MINDY3: variants seen among roughly 807,000 people sequenced by gnomAD.
The protein encoded by MINDY3 is MINDY lysine 48 deubiquitinase 3, also known as ubiquitin carboxyl-terminal hydrolase MINDY-3.
In MINDY3, 38 loss-of-function variants were observed where a neutral mutation model predicts 69.2. The observed-to-expected ratio is 0.55, with a 90% CI of 0.42 to 0.72. The LOEUF is 0.72. Ranked by LOEUF, MINDY3 falls within the 30% of genes least tolerant of loss-of-function variation. The pLI is 0.00. For synonymous variants in MINDY3, 192 were observed against 180.1 expected (o/e 1.07, Z -0.53); for missense variants, 522 against 519.0 (o/e 1.01, Z -0.06).
chr10:15,831,646 CA>C (rs932737526), intron 8 of MINDY3, among the ~76,000 whole-genome samples: 72 of 150,188 alleles, frequency 4.8e-4, no homozygotes, highest in African/African-American at 1.7e-3. Flanking sequence ...GACTTCACGT[CA>C]AGAGCTGCCT....
At chr10:15,842,191 C>T (rs1833516269) in intron 3 of MINDY3, among the ~76,000 whole-genome samples, 1 of 151,774 alleles carries the variant, frequency 6.6e-6, no homozygotes, top group Non-Finnish European at 1.5e-5. Context: ...ACCTTAGCCA[C>T]ACTCTTTTCA....
chr10:15,783,282 T>C (rs1836695721), intron 13 of MINDY3, among the ~76,000 whole-genome samples: 2 of 152,198 alleles, frequency 1.3e-5, no homozygotes, highest in South Asian at 4.1e-4. Context: ...CCCTCACTTA[T>C]GCCAATTTAG....
intron 4 of MINDY3, among the ~76,000 whole-genome samples, chr10:15,839,351 G>A (rs1833305204): frequency 1.3e-5 from 2 of 151,496 alleles, no homozygotes; most frequent in Non-Finnish European, 3.0e-5. Flanking sequence ...TCACTACTGC[G>A]AACAACTGTG....
intron 5 of MINDY3, 115 bp downstream of exon 5, chr10:15,838,113 T>A (rs1469408522): frequency 4.6e-6 from 6 of 1,303,958 alleles, no homozygotes; most frequent in Middle Eastern, 2.2e-4. Context: ...ATTTAAAATT[T>A]ATGTTTAAGT....
chr10:15,844,697 G>C (rs1305590135), intron 2 of MINDY3, among the ~76,000 whole-genome samples: 1 of 152,068 alleles, frequency 6.6e-6, no homozygotes, highest in African/African-American at 2.4e-5. Flanking sequence ...TATTACATCA[G>C]AATCTGCACT....
chr10:15,795,867 G>A (rs765104426), intron 11 of MINDY3, among the ~76,000 whole-genome samples: 6 of 151,978 alleles, frequency 3.9e-5, no homozygotes, highest in Non-Finnish European at 8.8e-5. Context: ...ATTAATCAGA[G>A]GGGTCAACTA....
Position 15,778,874 on chromosome 10 carries a change from A to ATTGT in MINDY3, c.*114_*117dup. ...CATAAACACTGAAAATGTGTTTTTA[A>ATTGT]TTGTTATTTACAGTTAATCAGTGAT... On this transcript the variant is annotated 3_prime_UTR_variant, in exon 15 of 15. Coordinates refer to ENST00000277632, the MANE Select transcript of MINDY3 (RefSeq NM_024948.4). The ATTGT allele has an allele frequency of 1.3e-6, 1 of 761,658 alleles. No individual in the cohort carries two copies. 47.2% of individuals were successfully genotyped at this position (761,658 alleles called of 1,614,324 possible).
intron 4 of MINDY3, among the ~76,000 whole-genome samples, chr10:15,839,833 A>C (rs1833339427): frequency 6.6e-6 from 1 of 151,704 alleles, no homozygotes; most frequent in Admixed American, 6.6e-5. Flanking sequence ...CTTCATGGCA[A>C]CTTTTAAAAT....
At chr10:15,841,661 G>T in intron 3 of MINDY3, 62 bp from the exon 4 acceptor site, 1 of 1,094,378 alleles carries the variant, frequency 9.1e-7, no homozygotes, top group Non-Finnish European at 1.3e-6. Context: ...ATTCTGTCAT[G>T]AATAACAATA....
Position 15,860,192 on chromosome 10 carries a change from C to A in MINDY3, c.94+14G>T, listed in dbSNP as rs950214734. On this transcript the variant is annotated intron_variant, in intron 1 of 14. Coordinates refer to ENST00000277632, the MANE Select transcript of MINDY3 (RefSeq NM_024948.4). ...GAAGCAGCGGCTGCAAGTGTGAGAGCCCCGCCAGGGTACCTTGCGTCCAGC... is the reference window on the plus strand; with the variant it reads ...GAAGCAGCGGCTGCAAGTGTGAGAGACCCGCCAGGGTACCTTGCGTCCAGC... 8.2e-6 allele frequency: 13 copies of A among 1,589,988 alleles called. No homozygotes were observed. The highest frequency in any genetic ancestry group is 1.1e-5 in the Non-Finnish European group (13 of 1,166,732).
rs113724351 is a variant in MINDY3, at chr10:15,860,085, G to C, written c.94+121C>G. The C allele has an allele frequency of 0.01, 7,579 of 738,484 alleles. 368 individuals carry two copies. The African/African-American group carries it at 0.12, about 11-fold the overall frequency. 45.7% of individuals were successfully genotyped at this position (738,484 alleles called of 1,614,324 possible). On this transcript the variant is annotated intron_variant, in intron 1 of 14. Coordinates refer to ENST00000277632, the MANE Select transcript of MINDY3 (RefSeq NM_024948.4). ...GTCTAGAAAGTCCAGCTTCAGCGCT[G>C]AGCACGGCGACTGGGGCAGAGAGCG... is the stretch of plus-strand genomic sequence containing the variant.
intron 11 of MINDY3, among the ~76,000 whole-genome samples, chr10:15,790,743 T>A (rs763627311): frequency 1.3e-5 from 2 of 152,128 alleles, no homozygotes; most frequent in African/African-American, 4.8e-5. Flanking sequence ...TGCAAATATA[T>A]AATGGCTGAA....
chr10:15,833,302 C>CA (rs941396810), intron 8 of MINDY3, among the ~76,000 whole-genome samples: 2 of 152,102 alleles, frequency 1.3e-5, no homozygotes, highest in Admixed American at 6.6e-5. Flanking sequence ...CCATTTTAAG[C>CA]AAAGAGTGCA....
At chr10:15,791,684 T>C (rs1450525003) in intron 11 of MINDY3, among the ~76,000 whole-genome samples, 2 of 152,058 alleles carry the variant, frequency 1.3e-5, no homozygotes, top group African/African-American at 4.8e-5. Flanking sequence ...AATATCCAGA[T>C]TGCTAAAAGT....
At chr10:15,854,881 C>A (rs1588664103) in intron 1 of MINDY3, among the ~76,000 whole-genome samples, 1 of 151,976 alleles carries the variant, frequency 6.6e-6, no homozygotes, top group Non-Finnish European at 1.5e-5. Flanking sequence ...TTAAAACAAC[C>A]AAATTTAAGG....
intron 10 of MINDY3, among the ~76,000 whole-genome samples, chr10:15,810,237 A>C (rs993316068): frequency 2.0e-5 from 3 of 152,174 alleles, no homozygotes; most frequent in Non-Finnish European, 2.9e-5. Context: ...CCCTTTAAAA[A>C]AATTATATTT....
chr10:15,801,988 G>A (rs984611930), intron 10 of MINDY3, among the ~76,000 whole-genome samples: 1 of 151,708 alleles, frequency 6.6e-6, no homozygotes, highest in Admixed American at 6.6e-5. Context: ...AAGAAGCAGG[G>A]CCAGAATACA....
chr10:15,848,799 A>G (rs1447927910), intron 1 of MINDY3, among the ~76,000 whole-genome samples: 2 of 152,172 alleles, frequency 1.3e-5, no homozygotes, highest in Admixed American at 1.3e-4. Context: ...AGAAGTTAGG[A>G]GAACCCAGTG....
intron 2 of MINDY3, among the ~76,000 whole-genome samples, chr10:15,844,251 A>G (rs1250156717): frequency 1.3e-5 from 2 of 152,206 alleles, no homozygotes; most frequent in Non-Finnish European, 2.9e-5. Flanking sequence ...CATAAAGTCT[A>G]CAAATATGCT....
Sources: gnomAD v4.1 joint callset for allele counts (sites outside exome capture counted in the v4.1 genomes callset) on GRCh38, gnomAD v4.1.1 for gene constraint, MANE v1.5 for transcripts, NCBI Gene and HGNC (gene_info 2026-07-23, HGNC 2026-07-21) for gene names.